The following AGBL1 variants were observed in gnomAD, a reference collection of about 807,000 sequenced individuals.
AGBL1 encodes the protein cytosolic carboxypeptidase 4.
In AGBL1, 130 loss-of-function variants were observed where a neutral mutation model predicts 118.9. The observed-to-expected ratio is 1.09, with a 90% CI of 0.95 to 1.26. AGBL1 has a LOEUF of 1.26. AGBL1 is among the 50% of genes most tolerant of loss of function. AGBL1 has a pLI of 0.00. For missense variants in AGBL1, 1,584 were observed against 1,298.1 expected, an observed-to-expected ratio of 1.22 and a Z score of -3.38; for synonymous variants, 555 against 478.9, an observed-to-expected ratio of 1.16 and a Z score of -2.08.
chr15:86,551,082 T>G lies in AGBL1; in HGVS notation c.2818-3279T>G, dbSNP rs1596256229. On this transcript the variant is annotated intron_variant, in intron 20 of 22. Transcript: ENST00000614907. ...GAAAATTTATAGTATGCAGCAAAAA[T>G]AGTACACAGAAGGAACTTTGTAATT... is the stretch of plus-strand genomic sequence containing the variant. Among the ~76,000 whole-genome samples, 3 of 151,934 alleles carry G rather than the reference T, an allele frequency of 2.0e-5. No homozygotes were observed. In the South Asian group the frequency reaches 6.2e-4, roughly 31 times the overall value.
intron 21 of AGBL1, among the ~76,000 whole-genome samples, chr15:86,624,045 G>C (rs1217776292): frequency 6.6e-6 from 1 of 152,174 alleles, no homozygotes; most frequent in Non-Finnish European, 1.5e-5. Flanking sequence ...AGATTGAGAG[G>C]AATGGGAGGA....
intron 24 of AGBL1, among the ~76,000 whole-genome samples, chr15:87,013,261 G>T (rs1190284360): frequency 6.6e-6 from 1 of 152,062 alleles, no homozygotes; most frequent in African/African-American, 2.4e-5. Context: ...TATCTGAAAG[G>T]TCTGGCAAGA....
chr15:86,240,520 C>A (rs2078624754), intron 6 of AGBL1, among the ~76,000 whole-genome samples: 1 of 152,136 alleles, frequency 6.6e-6, no homozygotes, highest in African/African-American at 2.4e-5. Flanking sequence ...TGGTTTGAAG[C>A]AAGGGTTTCA....
chr15:86,387,735 T>C (rs1195124214), intron 17 of AGBL1, among the ~76,000 whole-genome samples: 1 of 152,226 alleles, frequency 6.6e-6, no homozygotes, highest in Non-Finnish European at 1.5e-5. Flanking sequence ...TTGGCTTCCA[T>C]GCCTTCCTCC....
Position 86,266,428 on chromosome 15 carries a change from T to C in AGBL1, c.1722T>C (p.Asn574=), listed in dbSNP as rs1196523335. 2 of 1,575,284 alleles carry C rather than the reference T, an allele frequency of 1.3e-6. No individual in the cohort carries two copies. Among genetic ancestry groups the C allele is most frequent in the South Asian group, 1.2e-5 (1 of 85,608 alleles). ...TCATCCAGCCAAGTGATGTTATAAATAAAGTTGTCTTCAGTTTAGATGAGC... is the reference window on the plus strand; with the variant it reads ...TCATCCAGCCAAGTGATGTTATAAACAAAGTTGTCTTCAGTTTAGATGAGC... ...RRLIQPSDVI[N]KVVFSLDEPW... is the part of the protein sequence containing the mutation. The change falls in exon 12 of 23, where the codon AAT becomes AAC. Residue 574 remains asparagine (N), a synonymous_variant. Transcript: ENST00000614907.
chr15:86,891,792 C>T (rs1000232937), intron 22 of AGBL1, among the ~76,000 whole-genome samples: 3 of 152,120 alleles, frequency 2.0e-5, no homozygotes, highest in Non-Finnish European at 2.9e-5. Context: ...ACATTACAGC[C>T]AACCATGCAC....
At position 86,878,699 on chromosome 15, in the gene AGBL1, A is replaced by C. The variant is rs1174828693; in HGVS notation, c.3159-28388A>C. 2.6e-5 allele frequency among the ~76,000 whole-genome samples: 4 copies of C among 151,686 alleles called. No homozygotes were observed. In the East Asian group the frequency reaches 7.7e-4, roughly 29 times the overall value. ...GGACTTCCTTAAGGCTCTGTTTCTG[A>C]GAGTTTGTAGTTTTCTGCAATGCTT... On this transcript the variant is annotated intron_variant, in intron 22 of 22. Transcript: ENST00000614907.
chr15:86,206,446 C>T (rs770545965), intron 5 of AGBL1, among the ~76,000 whole-genome samples: 45 of 152,166 alleles, frequency 3.0e-4, no homozygotes, highest in Non-Finnish European at 5.6e-4. Flanking sequence ...AGAAAGTGTT[C>T]CTATTTCTCC....
chr15:87,005,918 G>A (rs186745576), intron 24 of AGBL1, among the ~76,000 whole-genome samples: 231 of 152,282 alleles, frequency 1.5e-3, no homozygotes, highest in African/African-American at 5.3e-3. Context: ...TAACACTCAG[G>A]ACCCTCAGCT....
At chr15:86,328,633 C>A (rs924661290) in intron 17 of AGBL1, among the ~76,000 whole-genome samples, 1 of 152,098 alleles carries the variant, frequency 6.6e-6, no homozygotes, top group Non-Finnish European at 1.5e-5. Context: ...GGGTAAACAG[C>A]CCCTGTGACA....
chr15:86,669,625 A>G (rs1188696439), intron 21 of AGBL1, among the ~76,000 whole-genome samples: 1 of 152,192 alleles, frequency 6.6e-6, no homozygotes, highest in African/African-American at 2.4e-5. Flanking sequence ...CAAGATAAGG[A>G]GAAGATCTTA....
intron 3 of AGBL1, among the ~76,000 whole-genome samples, chr15:86,146,346 T>C (rs947000037): frequency 1.3e-5 from 2 of 152,224 alleles, no homozygotes; most frequent in African/African-American, 2.4e-5. Context: ...AGTATTATAG[T>C]AATCTAGAGA....
chr15:86,186,194 C>T (rs2077629865), intron 5 of AGBL1, among the ~76,000 whole-genome samples: 3 of 142,534 alleles, frequency 2.1e-5, no homozygotes, highest in South Asian at 5.0e-4. Context: ...GGACACATTG[C>T]GGGGAACAAC....
chr15:87,008,041 G>C (rs2081522038), intron 24 of AGBL1, among the ~76,000 whole-genome samples: 1 of 152,176 alleles, frequency 6.6e-6, no homozygotes, highest in South Asian at 2.1e-4. Flanking sequence ...AAGGTGTGAT[G>C]GTTAGTTTTA....
intron 17 of AGBL1, among the ~76,000 whole-genome samples, chr15:86,325,740 C>T (rs1198913594): frequency 6.6e-6 from 1 of 152,166 alleles, no homozygotes; most frequent in African/African-American, 2.4e-5. Context: ...TTGTTTTCAC[C>T]AGACAAGGCA....
At chr15:86,511,938 A>T (rs747753381) in intron 18 of AGBL1, among the ~76,000 whole-genome samples, 2 of 152,020 alleles carry the variant, frequency 1.3e-5, no homozygotes, top group Non-Finnish European at 2.9e-5. Context: ...GTAGAGAATA[A>T]TGTGTTCTTG....
chr15:86,264,221 A>G (rs2079035593), intron 10 of AGBL1, 37 bp from the exon 11 acceptor site: 1 of 1,447,684 alleles, frequency 6.9e-7, no homozygotes, highest in Non-Finnish European at 9.3e-7. Flanking sequence ...ACCTGGAAGG[A>G]CACACTAACA....
chr15:86,809,320 A>G lies in AGBL1; in HGVS notation c.3159-97767A>G, dbSNP rs116383239. Among the ~76,000 whole-genome samples, 1,391 of 152,256 alleles carry G rather than the reference A, an allele frequency of 9.1e-3. 23 individuals are homozygous for G. Among genetic ancestry groups the G allele is most frequent in the African/African-American group, 0.031 (1,291 of 41,546 alleles). ...GTCTTCCCCAGACAAATATGAGGTTAGGAAAGTCTTACTTTGATGACTCCT... is the reference window on the plus strand; with the variant it reads ...GTCTTCCCCAGACAAATATGAGGTTGGGAAAGTCTTACTTTGATGACTCCT... On this transcript the variant is annotated intron_variant, in intron 22 of 22. Coordinates refer to ENST00000614907, the MANE Select transcript of AGBL1 (RefSeq NM_001386094.1).
In AGBL1 at chr15:86,890,208, G is replaced by A. The variant is rs997881619; in HGVS notation, c.3159-16879G>A. On this transcript the variant is annotated intron_variant, in intron 22 of 22. Coordinates refer to ENST00000614907, the MANE Select transcript of AGBL1 (RefSeq NM_001386094.1). ...GCATGAATGTCTTCTTTTGAGAAGT[G>A]TCTGTTCATATCCTTTGCCCACTTT... 1.6e-4 allele frequency among the ~76,000 whole-genome samples: 24 copies of A among 152,134 alleles called. 1 individual carries two copies. The highest frequency in any genetic ancestry group is 5.3e-4 in the African/African-American group (22 of 41,422).
Sources: gnomAD v4.1 joint callset for allele counts (sites outside exome capture counted in the v4.1 genomes callset) on GRCh38, gnomAD v4.1.1 for gene constraint, MANE v1.5 for transcripts, NCBI Gene and HGNC (gene_info 2026-07-23, HGNC 2026-07-21) for gene names.